The following RYR2 variants were observed in gnomAD, a reference collection of about 807,000 sequenced individuals.
RYR2 encodes cardiac muscle ryanodine receptor-calcium release channel.
Under a neutral mutation model 601.1 loss-of-function variants are expected in RYR2, and 227 were observed. The ratio of observed to expected loss-of-function variants is 0.38; its 90% CI spans 0.34 to 0.42. The LOEUF (loss-of-function observed/expected upper bound fraction) is 0.42, where lower values mean the gene tolerates loss of function less well. RYR2 is among the 10% of genes least tolerant of loss of function. RYR2 has a pLI of 1.00. For missense variants in RYR2, 4,646 were observed against 6,156.5 expected, an observed-to-expected ratio of 0.75 and a Z score of 8.21; for synonymous variants, 2,223 against 2,175.1, an observed-to-expected ratio of 1.02 and a Z score of -0.61.
chr1:237,718,822 C>A (rs912578656), intron 73 of RYR2, among the ~76,000 whole-genome samples: 1 of 152,186 alleles, frequency 6.6e-6, no homozygotes, highest in Middle Eastern at 3.4e-3. Context: ...TACATATGCA[C>A]AACATGCAGG....
In RYR2 at chr1:237,374,776, C is replaced by T. The variant is rs1572035408; in HGVS notation, c.444C>T (p.Gly148=). The T allele has an allele frequency of 1.9e-6, 3 of 1,612,512 alleles. No individual in the cohort carries two copies. Among genetic ancestry groups the T allele is most frequent in the Non-Finnish European group, 2.5e-6 (3 of 1,179,254 alleles). The change falls in exon 7 of 105, where the codon GGC becomes GGT. Residue 148 remains glycine (G), a synonymous_variant. Transcript: ENST00000366574. The part of the protein sequence containing the change: ...SSTDKLAFDV[G]LQEDTTGEAC... ...CTGATAAGCTGGCTTTTGATGTTGG[C>T]TTGCAAGAGGACACCACAGGTAAGC...
chr1:237,772,847 C>T (rs1694378527), intron 86 of RYR2, among the ~76,000 whole-genome samples: 1 of 151,838 alleles, frequency 6.6e-6, no homozygotes, highest in South Asian at 2.1e-4. Context: ...GCTGAAAACA[C>T]ATTTGTCATT....
chr1:237,148,101 G>C (rs1004656080), intron 1 of RYR2, among the ~76,000 whole-genome samples: 5 of 152,168 alleles, frequency 3.3e-5, no homozygotes, highest in Non-Finnish European at 5.9e-5. Flanking sequence ...TATTATGGTG[G>C]AGATGACATG....
At chr1:237,540,027 T>C (rs1222884593) in intron 25 of RYR2, among the ~76,000 whole-genome samples, 3 of 150,090 alleles carry the variant, frequency 2.0e-5, no homozygotes, top group African/African-American at 7.3e-5. Flanking sequence ...TTTCCTCCTG[T>C]GCCTCTTTTT....
chr1:237,100,219 G>T (rs1216670041), intron 1 of RYR2, among the ~76,000 whole-genome samples: 1 of 152,010 alleles, frequency 6.6e-6, no homozygotes, highest in African/African-American at 2.4e-5. Context: ...AATAGATGAG[G>T]TGAAAGAGCA....
At chr1:237,605,417 G>A (rs1346182383) in intron 35 of RYR2, among the ~76,000 whole-genome samples, 2 of 152,084 alleles carry the variant, frequency 1.3e-5, no homozygotes, top group East Asian at 1.9e-4. Flanking sequence ...TTGATGGGAC[G>A]TATCTCAAAT....
chr1:237,503,357 G>A lies in RYR2; in HGVS notation c.2465G>A (p.Cys822Tyr), dbSNP rs774043056. ...CTTCCTCCACCTGGGTATGCTCCTT[G>A]TTATGAAGCTGTTCTGCCAAAAGAA... ...KFLPPPGYAP[C>Y]YEAVLPKEKL... The change falls in exon 22 of 105, where the codon TGT becomes TAT. Residue 822 changes from cysteine (C) to tyrosine (Y), a missense_variant. Transcript: ENST00000366574. 1 of 1,613,956 alleles carries A rather than the reference G, an allele frequency of 6.2e-7. No homozygotes were observed. Among genetic ancestry groups the A allele is most frequent in the African/African-American group, 1.3e-5 (1 of 75,018 alleles).
rs764492350 is a variant in RYR2 at position 237,733,699 on chromosome 1, C to T, written c.11040-6C>T. The stretch of plus-strand genomic sequence containing the variant: ...AACACTGATGTTTTCTTCTTGCTTT[C>T]CCCAGCAAACTGGAGGAAGATTTTT... On this transcript the variant is annotated splice_polypyrimidine_tract_variant and splice_region_variant and intron_variant, in intron 78 of 104. Coordinates refer to ENST00000366574, the MANE Select transcript of RYR2 (RefSeq NM_001035.3). 6 of 1,604,904 alleles carry T rather than the reference C, an allele frequency of 3.7e-6. No individual in the cohort carries two copies. The highest frequency in any genetic ancestry group is 5.1e-6 in the Non-Finnish European group (6 of 1,172,592).
chr1:237,622,017 T>A (rs1051429153), intron 38 of RYR2, among the ~76,000 whole-genome samples: 1 of 152,180 alleles, frequency 6.6e-6, no homozygotes, highest in African/African-American at 2.4e-5. Flanking sequence ...TTTTGCAAAG[T>A]GTTACCAATC....
intron 1 of RYR2, among the ~76,000 whole-genome samples, chr1:237,250,564 C>A (rs917554704): frequency 6.6e-6 from 1 of 152,150 alleles, no homozygotes; most frequent in African/African-American, 2.4e-5. Context: ...TAAGGCAGTT[C>A]CCTGTCTCGT....
At chr1:237,780,440 C>CTATT (rs1695003237) in intron 88 of RYR2, among the ~76,000 whole-genome samples, 1 of 152,112 alleles carries the variant, frequency 6.6e-6, no homozygotes, top group Non-Finnish European at 1.5e-5. Context: ...TCCATAACAG[C>CTATT]TATTTAGAAA....
chr1:237,533,717 A>G (rs1668348686), intron 25 of RYR2, among the ~76,000 whole-genome samples: 1 of 152,310 alleles, frequency 6.6e-6, no homozygotes, highest in East Asian at 1.9e-4. Context: ...TATTTTGGAG[A>G]TACATACTTC....
intron 63 of RYR2, among the ~76,000 whole-genome samples, chr1:237,692,372 T>TG (rs1249393169): frequency 6.6e-6 from 1 of 152,214 alleles, no homozygotes; most frequent in African/African-American, 2.4e-5. Flanking sequence ...AATCCCCTCC[T>TG]GCTTCTCTCA....
At chr1:237,107,477 A>ATG (rs1166344757) in intron 1 of RYR2, among the ~76,000 whole-genome samples, 18 of 138,584 alleles carry the variant, frequency 1.3e-4, no homozygotes, top group South Asian at 5.0e-4. Context: ...CCGAGATCGC[A>ATG]CCACTGCACT....
At chr1:237,294,162 C>A (rs1692514918) in intron 2 of RYR2, among the ~76,000 whole-genome samples, 1 of 152,190 alleles carries the variant, frequency 6.6e-6, no homozygotes, top group Admixed American at 6.5e-5. Flanking sequence ...TCTCCTTGAA[C>A]TTCTGTCGAG....
chr1:237,546,373 TTTG>T (rs1030341490), intron 25 of RYR2, among the ~76,000 whole-genome samples: 17 of 152,118 alleles, frequency 1.1e-4, no homozygotes, highest in African/African-American at 3.9e-4. Flanking sequence ...AAATTACTTT[TTTG>T]TTGTTGTTGT....
chr1:237,626,803 G>T (rs963583516), intron 40 of RYR2, among the ~76,000 whole-genome samples: 2 of 151,360 alleles, frequency 1.3e-5, no homozygotes, highest in Non-Finnish European at 2.9e-5. Flanking sequence ...TGAACTCCTG[G>T]TCTCAAGCAA....
At chr1:237,045,968 T>C (rs2148097908) in intron 1 of RYR2, among the ~76,000 whole-genome samples, 1 of 151,766 alleles carries the variant, frequency 6.6e-6, no homozygotes, top group East Asian at 1.9e-4. Flanking sequence ...TCATGTAGTT[T>C]TGTATTTACC....
Position 237,726,292 on chromosome 1 carries a change from G to GGA in RYR2, c.10712_10713dup (p.His3572AspfsTer30), listed in dbSNP as rs1558296787. Reference sequence around the variant, plus strand: ...TTTCAGAAGTCTAAACGTGTGGGTCGGAGACATTACTGTCTGGGAAGTACA... The same window carrying GGA: ...TTTCAGAAGTCTAAACGTGTGGGTCGGAGAGACATTACTGTCTGGGAAGTACA... On this transcript the variant is annotated frameshift_variant, in exon 75 of 105. Transcript: ENST00000366574. LOFTEE classifies it high-confidence loss of function. 1 of 1,589,178 alleles carries GGA rather than the reference G, an allele frequency of 6.3e-7. No individual in the cohort carries two copies. The highest frequency in any genetic ancestry group is 8.6e-7 in the Non-Finnish European group (1 of 1,163,502).
Sources: allele counts gnomAD v4.1 joint callset (sites outside exome capture counted in the v4.1 genomes callset), GRCh38; gene constraint gnomAD v4.1.1; transcripts MANE v1.5; gene names NCBI Gene and HGNC (gene_info 2026-07-23, HGNC 2026-07-21).